The following ADAMTS8 variants were observed in gnomAD, a reference collection of about 807,000 sequenced individuals.
ADAMTS8 encodes the protein ADAM metallopeptidase with thrombospondin type 1 motif 8.
In ADAMTS8, 50 loss-of-function variants were observed where a neutral mutation model predicts 64.4. The ratio of observed to expected loss-of-function variants is 0.78; its 90% CI spans 0.62 to 0.98. The LOEUF is 0.98. Ranked by LOEUF, ADAMTS8 falls within the 50% of genes least tolerant of loss-of-function variation. The pLI is 0.00. For missense variants in ADAMTS8, 1,192 were observed against 1,208.2 expected, an observed-to-expected ratio of 0.99 and a Z score of 0.20; for synonymous variants, 556 against 533.6, an observed-to-expected ratio of 1.04 and a Z score of -0.58.
At chr11:130,426,451 A>G (rs1015213143) in intron 1 of ADAMTS8, among the ~76,000 whole-genome samples, 1 of 152,220 alleles carries the variant, frequency 6.6e-6, no homozygotes, top group African/African-American at 2.4e-5. Flanking sequence ...GTGTCAGCTT[A>G]GCTGCTGCAT....
At position 130,406,132 on chromosome 11, in the gene ADAMTS8, T is replaced by C. The variant is rs1200425566; in HGVS notation, c.2100-4A>G. On this transcript the variant is annotated splice_polypyrimidine_tract_variant and splice_region_variant and intron_variant, in intron 8 of 8. Coordinates refer to ENST00000257359, the MANE Select transcript of ADAMTS8 (RefSeq NM_007037.6). ...GACAATGTCATTGTAGCCATAACTG[T>C]GATAGAAACAGAAGGACACCCTTAG... The C allele has an allele frequency of 5.0e-6, 8 of 1,602,224 alleles. No homozygotes were observed. Among genetic ancestry groups the C allele is most frequent in the African/African-American group, 1.3e-5 (1 of 74,848 alleles).
In ADAMTS8 at chr11:130,416,926, A is replaced by G. The variant is rs755165849; in HGVS notation, c.1096+14T>C. 1.2e-6 allele frequency: 2 copies of G among 1,614,032 alleles called. No homozygotes were observed. The highest frequency in any genetic ancestry group is 1.1e-5 in the South Asian group (1 of 91,086). On this transcript the variant is annotated intron_variant, in intron 3 of 8. Coordinates refer to ENST00000257359, the MANE Select transcript of ADAMTS8 (RefSeq NM_007037.6). This position sits in a 1 kb window ranked among gnomAD's most constrained non-coding sequence, Gnocchi z 4.8. ...CCGATGTGGTGAAGTGGGCTTTGGC[A>G]CAGCAAATCTTACCTAGTTCATGGG...
At chr11:130,417,248 A>AATTAAATT (rs56177395) in intron 2 of ADAMTS8, among the ~76,000 whole-genome samples, 173 bp from the exon 3 acceptor site, 62 of 150,706 alleles carry the variant, frequency 4.1e-4, no homozygotes, top group East Asian at 1.4e-3. Flanking sequence ...AATTAAATTA[A>AATTAAATT]ATTATTATTA....
rs1861991913 is a variant in ADAMTS8 at position 130,414,414 on chromosome 11, G to A, written c.1566+117C>T. 8.5e-6 allele frequency: 11 copies of A among 1,289,330 alleles called. No homozygotes were observed. In the South Asian group the frequency reaches 1.6e-4, roughly 19 times the overall value. 79.9% of individuals were successfully genotyped at this position (1,289,330 alleles called of 1,614,324 possible). A position where few individuals can be genotyped will look rare whatever the true frequency, so the allele number is the denominator to read the frequency against. ...CCAGTGTGAGCCGCTCTGCCTGGCT[G>A]TCTCTCGGTTCATGACTCTCAAGTG... is the stretch of plus-strand genomic sequence containing the variant. On this transcript the variant is annotated intron_variant, in intron 5 of 8. Coordinates refer to ENST00000257359, the MANE Select transcript of ADAMTS8 (RefSeq NM_007037.6).
rs1862216608 is a variant in ADAMTS8, at chr11:130,428,537, G to T, written c.-251C>A. On this transcript the variant is annotated 5_prime_UTR_variant, in exon 1 of 9. Coordinates refer to ENST00000257359, the MANE Select transcript of ADAMTS8 (RefSeq NM_007037.6). ...GAGCAGCTGGCCCCGGCCCGCGTGC[G>T]CCCGTCCTCCGCCCCTGCCCGCGCC... 4 of 801,018 alleles carry T rather than the reference G, an allele frequency of 5.0e-6. No homozygotes were observed. Among genetic ancestry groups the T allele is most frequent in the East Asian group, 1.3e-4 (1 of 7,934 alleles). The allele number at this position is 801,018 out of a possible 1,614,324, so 49.6% of individuals were successfully genotyped here.
chr11:130,417,027 T>C lies in ADAMTS8; in HGVS notation c.1009A>G (p.Ile337Val). Residue 337 changes from isoleucine to valine, a missense_variant, in exon 3 of 9, where the codon ATC becomes GTC. Transcript: ENST00000257359. ...GLCDTLGVAD[I>V]GTICDPNKSC... ...TTGTTGGGGTCACAAATGGTCCCGA[T>C]GTCTGCCACACCCAGGGTGTCACAC... The C allele has an allele frequency of 6.2e-7, 1 of 1,614,014 alleles. No homozygotes were observed. Among genetic ancestry groups the C allele is most frequent in the Non-Finnish European group, 8.5e-7 (1 of 1,180,014 alleles).
chr11:130,405,015 C>T lies in ADAMTS8; in HGVS notation c.*543G>A, dbSNP rs1019700560. The T allele has an allele frequency of 1.1e-5, 11 of 986,550 alleles. No homozygotes were observed. The highest frequency in any genetic ancestry group is 5.2e-4 in the Middle Eastern group (1 of 1,934). The allele number at this position is 986,550 out of a possible 1,614,324, so 61.1% of individuals were successfully genotyped here. ...CAGGTGGCAGCCTGAGAACATGTGG[C>T]TCTCCAAACCCTGCGACGCTGCGGC... On this transcript the variant is annotated 3_prime_UTR_variant, in exon 9 of 9. Coordinates refer to ENST00000257359, the MANE Select transcript of ADAMTS8 (RefSeq NM_007037.6).
rs763886587 is a variant in ADAMTS8, at chr11:130,411,393, G to A, written c.1750+24C>T. ...AGCAATGATAGTAGCTGCTCTGGCAGGGGCGGCCCTGAGTGGTAATTACCG... is the reference window on the plus strand; with the variant it reads ...AGCAATGATAGTAGCTGCTCTGGCAAGGGCGGCCCTGAGTGGTAATTACCG... On this transcript the variant is annotated intron_variant, in intron 6 of 8. Transcript: ENST00000257359. This position sits in a 1 kb window ranked among gnomAD's most constrained non-coding sequence, Gnocchi z 4.2. The A allele has an allele frequency of 1.9e-6, 3 of 1,608,376 alleles. No homozygotes were observed. The highest frequency in any genetic ancestry group is 2.5e-6 in the Non-Finnish European group (3 of 1,176,818).
chr11:130,417,141 G>A, intron 2 of ADAMTS8, 66 bp from the exon 3 acceptor site: 1 of 1,597,932 alleles, frequency 6.3e-7, no homozygotes, highest in African/African-American at 1.3e-5. Context: ...CAGGCCTGCA[G>A]GGCCGGGTGT....
intron 1 of ADAMTS8, among the ~76,000 whole-genome samples, chr11:130,426,828 G>A (rs1862172772): frequency 6.6e-6 from 1 of 152,246 alleles, no homozygotes; most frequent in Non-Finnish European, 1.5e-5. Context: ...CAAAGAGCTC[G>A]TTCCAGCCCC....
At chr11:130,420,863 C>A (rs114962336) in intron 1 of ADAMTS8, among the ~76,000 whole-genome samples, 284 of 152,088 alleles carry the variant, frequency 1.9e-3, no homozygotes, top group African/African-American at 5.5e-3. Context: ...ATTATGCAAC[C>A]GGGGGTGAGC....
chr11:130,414,449 T>C (rs7106106), intron 5 of ADAMTS8, 82 bp downstream of exon 5: 1,201,336 of 1,475,934 alleles, frequency 0.81, 491,451 homozygotes, highest in African/African-American at 0.97. Flanking sequence ...GTGGTTTCCT[T>C]CTGGAGAACA....
intron 1 of ADAMTS8, among the ~76,000 whole-genome samples, chr11:130,423,161 C>G (rs1257765262): frequency 6.6e-6 from 1 of 152,204 alleles, no homozygotes; most frequent in Non-Finnish European, 1.5e-5. Flanking sequence ...AAAGTGAACC[C>G]AAGGCTTGCA....
At chr11:130,419,750 G>A (rs531224884) in intron 1 of ADAMTS8, among the ~76,000 whole-genome samples, 2 of 152,250 alleles carry the variant, frequency 1.3e-5, no homozygotes, top group Admixed American at 1.3e-4. Flanking sequence ...TCCTGACACC[G>A]TCTCCTTGCC....
At chr11:130,406,399 A>G (rs916956819) in intron 8 of ADAMTS8, among the ~76,000 whole-genome samples, 2 of 152,228 alleles carry the variant, frequency 1.3e-5, no homozygotes, top group Non-Finnish European at 2.9e-5. Context: ...TGTTGAGAAC[A>G]GCATAGAGAC....
chr11:130,406,353 TTTCA>T (rs1861885239), intron 8 of ADAMTS8, among the ~76,000 whole-genome samples: 1 of 152,220 alleles, frequency 6.6e-6, no homozygotes, highest in Non-Finnish European at 1.5e-5. Context: ...GGCAACTCTA[TTTCA>T]AAAGTGTGGT....
intron 8 of ADAMTS8, among the ~76,000 whole-genome samples, chr11:130,406,977 G>A (rs766353064): frequency 1.3e-5 from 2 of 152,156 alleles, no homozygotes; most frequent in Middle Eastern, 3.2e-3. Flanking sequence ...GTGTCCACAG[G>A]CCCATCTGTC....
Position 130,416,356 on chromosome 11 carries a change from C to G in ADAMTS8, c.1097-26G>C, listed in dbSNP as rs370322673. ...CTGGGGAGAGAGGCCTGGTCCACTC[C>G]GCCCTGTCCTGCCTGAGGGCGCCCC... On this transcript the variant is annotated intron_variant, in intron 3 of 8. Transcript: ENST00000257359. The surrounding 1 kb of genome is among the most constrained non-coding windows in gnomAD (Gnocchi z 4.8). 15 of 1,527,548 alleles carry G rather than the reference C, an allele frequency of 9.8e-6. No individual in the cohort carries two copies. The highest frequency in any genetic ancestry group is 1.3e-5 in the Non-Finnish European group (15 of 1,133,040). 94.6% of individuals were successfully genotyped at this position (1,527,548 alleles called of 1,614,324 possible). A position where few individuals can be genotyped will look rare whatever the true frequency, so the allele number is the denominator to read the frequency against.
In ADAMTS8 at chr11:130,427,580, C is replaced by T. The variant is rs1862186043; in HGVS notation, c.707G>A (p.Gly236Glu). Residue 236 changes from glycine to glutamate, a missense_variant, in exon 1 of 9, where the codon GGG becomes GAG. Around this residue, in one of 5 missense-constraint regions of ADAMTS8, gnomAD observed 741 missense variants for 710.6 expected, o/e 1.04. Transcript: ENST00000257359. ...VADASMAAFY[G>E]ADLQNHILTL... The stretch of plus-strand genomic sequence containing the variant: ...TCTCAGTCCTACCTGCAGGTCGGCC[C>T]CGTAGAAGGCAGCCATGGACGCATC... 5 of 1,539,422 alleles carry T rather than the reference C, an allele frequency of 3.2e-6. No individual in the cohort carries two copies. The highest frequency in any genetic ancestry group is 4.4e-6 in the Non-Finnish European group (5 of 1,146,924).
Sources: gnomAD v4.1 joint callset for allele counts (sites outside exome capture counted in the v4.1 genomes callset) on GRCh38, gnomAD v4.1.1 for gene constraint, gnomAD v4.1.1 regional missense constraint, Gnocchi (gnomAD v3.1) non-coding constraint, MANE v1.5 for transcripts, NCBI Gene and HGNC (gene_info 2026-07-23, HGNC 2026-07-21) for gene names.